The following INTU variants were observed in gnomAD, a reference collection of about 807,000 sequenced individuals.
INTU encodes the protein protein inturned.
Under a neutral mutation model 100.5 loss-of-function variants are expected in INTU, and 68 were observed. The ratio of observed to expected loss-of-function variants is 0.68; its 90% CI spans 0.56 to 0.83. The LOEUF (loss-of-function observed/expected upper bound fraction) is 0.83, where lower values mean the gene tolerates loss of function less well. INTU is among the 40% of genes least tolerant of loss of function. INTU has a pLI of 0.00. For missense variants in INTU, 1,071 were observed against 1,114.7 expected, an observed-to-expected ratio of 0.96 and a Z score of 0.56; for synonymous variants, 357 against 395.7, an observed-to-expected ratio of 0.90 and a Z score of 1.16.
rs1025213375 is a variant in INTU, at chr4:127,717,757, T to A, written c.*1321T>A. 4 of 152,238 alleles carry A rather than the reference T, an allele frequency of 2.6e-5. No individual in the cohort carries two copies. The highest frequency in any genetic ancestry group is 4.4e-5 in the Non-Finnish European group (3 of 68,038). The allele number at this position is 152,238 out of a possible 1,614,324, so 9.4% of individuals were successfully genotyped here. On this transcript the variant is annotated 3_prime_UTR_variant, in exon 16 of 16. Coordinates refer to ENST00000335251, the MANE Select transcript of INTU (RefSeq NM_015693.4). ...ACAATCAGTGATATTGAGCTTTTTT[T>A]TCATATGTTTGTTGGCTGCATGAAT...
chr4:127,695,984 A>C (rs1210776798), intron 8 of INTU, among the ~76,000 whole-genome samples: 1 of 152,110 alleles, frequency 6.6e-6, no homozygotes, highest in Non-Finnish European at 1.5e-5. Context: ...GATCTGATGG[A>C]TTACATTAAC....
At chr4:127,671,114 AGGTCTT>A (rs1335617898) in intron 5 of INTU, among the ~76,000 whole-genome samples, 1 of 152,006 alleles carries the variant, frequency 6.6e-6, no homozygotes, top group Non-Finnish European at 1.5e-5. Flanking sequence ...ATAGATAAGT[AGGTCTT>A]AATTAAACTG....
Position 127,716,462 on chromosome 4 carries a change from A to G in INTU, c.*26A>G, listed in dbSNP as rs1560623867. Reference sequence around the variant, plus strand: ...CTGTGCTTTCTTGATGCGTAGAAACACGTGCATGGAGGATCAAACACTGTC... The same window carrying G: ...CTGTGCTTTCTTGATGCGTAGAAACGCGTGCATGGAGGATCAAACACTGTC... On this transcript the variant is annotated 3_prime_UTR_variant, in exon 16 of 16. Coordinates refer to ENST00000335251, the MANE Select transcript of INTU (RefSeq NM_015693.4). 3.7e-6 allele frequency: 4 copies of G among 1,091,162 alleles called. No individual in the cohort carries two copies. Among genetic ancestry groups the G allele is most frequent in the Non-Finnish European group, 5.3e-6 (4 of 749,228 alleles). 67.6% of individuals were successfully genotyped at this position (1,091,162 alleles called of 1,614,324 possible).
chr4:127,684,632 TTCCTCC>T (rs1026515017), intron 7 of INTU, 146 bp downstream of exon 7: 2 of 528,864 alleles, frequency 3.8e-6, no homozygotes, highest in Non-Finnish European at 6.6e-6. Flanking sequence ...TTCCTTCCTC[TTCCTCC>T]TCCTCCTTCT....
chr4:127,681,189 A>T (rs1005462445), intron 6 of INTU, among the ~76,000 whole-genome samples: 10 of 152,238 alleles, frequency 6.6e-5, no homozygotes. Context: ...AAGGTAATTT[A>T]TAGATTCAAT....
At position 127,669,147 on chromosome 4, in the gene INTU, G is replaced by A; in HGVS notation, c.1084G>A (p.Val362Ile). Residue 362 changes from valine to isoleucine, a missense_variant, in exon 5 of 16, where the codon GTT becomes ATT. Coordinates refer to ENST00000335251, the MANE Select transcript of INTU (RefSeq NM_015693.4). ...GCTGGAAAACGTAACTGGGACACAA[G>A]TTACTAGGTAATAATTTTTATTTAG... ...DMLENVTGTQVTSSSLLLNGK... is the reference protein window; with the variant it reads ...DMLENVTGTQITSSSLLLNGK... The A allele has an allele frequency of 2.1e-6, 3 of 1,434,146 alleles. No homozygotes were observed. The highest frequency in any genetic ancestry group is 2.9e-6 in the Non-Finnish European group (3 of 1,042,496). 88.8% of individuals were successfully genotyped at this position (1,434,146 alleles called of 1,614,324 possible).
intron 9 of INTU, among the ~76,000 whole-genome samples, chr4:127,701,703 G>T (rs1730657795): frequency 1.3e-5 from 2 of 151,208 alleles, no homozygotes; most frequent in Non-Finnish European, 1.5e-5. Context: ...TTAAACCTGG[G>T]TGATGATGGC....
chr4:127,667,761 G>A (rs1728758893), intron 4 of INTU, among the ~76,000 whole-genome samples: 3 of 151,972 alleles, frequency 2.0e-5, no homozygotes, highest in African/African-American at 7.2e-5. Flanking sequence ...TTTTACACTA[G>A]AATTACTGCA....
In INTU at chr4:127,670,324, GA is replaced by G. The variant is rs142852034; in HGVS notation, c.1091+1173del. ...ACTTTTTTTCCCCCATATTCAGGTA[GA>G]AATGACATTTCTATGATTTTAAAAG... On this transcript the variant is annotated intron_variant, in intron 5 of 15. Transcript: ENST00000335251. Among the ~76,000 whole-genome samples, 1,364 of 151,870 alleles carry G rather than the reference GA, an allele frequency of 9.0e-3. 19 individuals are homozygous for G. The highest frequency in any genetic ancestry group is 0.032 in the African/African-American group (1,307 of 41,476).
intron 2 of INTU, among the ~76,000 whole-genome samples, chr4:127,650,373 C>G (rs28550232): frequency 8.4e-6 from 1 of 118,560 alleles, no homozygotes; most frequent in Admixed American, 9.5e-5. Flanking sequence ...TCCCTCCCCC[C>G]TCCCCCCACC....
intron 12 of INTU, 39 bp downstream of exon 12, chr4:127,707,008 GT>G: frequency 1.3e-6 from 2 of 1,569,636 alleles, no homozygotes; most frequent in Non-Finnish European, 1.7e-6. Flanking sequence ...TGGGAGCTAA[GT>G]TGTCTCTCCA....
intron 8 of INTU, among the ~76,000 whole-genome samples, chr4:127,697,239 T>C (rs1324692941): frequency 1.3e-5 from 2 of 152,160 alleles, no homozygotes; most frequent in Non-Finnish European, 2.9e-5. Context: ...TTTTAGAACA[T>C]TTCACCATCT....
rs917091883 is a variant in INTU at position 127,716,275 on chromosome 4, G to C, written c.2718-50G>C. 3.6e-6 allele frequency: 3 copies of C among 840,058 alleles called. No individual in the cohort carries two copies. The African/African-American group carries it at 5.2e-5, about 14-fold the overall frequency. The allele number at this position is 840,058 out of a possible 1,614,324, so 52.0% of individuals were successfully genotyped here. ...AATTAATTGGATGGTTAGAGTTTTT[G>C]TTGTTTGTTGTTTTAATTTCTGAAA... On this transcript the variant is annotated intron_variant, in intron 15 of 15. Transcript: ENST00000335251.
At chr4:127,658,911 C>T (rs1338842734) in intron 3 of INTU, among the ~76,000 whole-genome samples, 1 of 151,836 alleles carries the variant, frequency 6.6e-6, no homozygotes, top group African/African-American at 2.4e-5. Context: ...CAGTGGGAGC[C>T]CTGAGCTTGT....
chr4:127,646,184 C>CAA lies in INTU; in HGVS notation c.682+2144_682+2145dup, dbSNP rs71587329. 4.8e-3 allele frequency among the ~76,000 whole-genome samples: 611 copies of CAA among 127,440 alleles called. 4 individuals are homozygous for CAA. The highest frequency in any genetic ancestry group is 6.1e-3 in the African/African-American group (213 of 34,824). The allele number at this position is 127,440 out of a possible 152,430, so 83.6% of individuals were successfully genotyped here. On this transcript the variant is annotated intron_variant, in intron 2 of 15. Transcript: ENST00000335251. ...GGGGGAACACAGTGAGACTCTGTCT[C>CAA]AAAAAAAAAAAAAAAAATTGTTTGG...
In INTU at chr4:127,670,235, T is replaced by C. The variant is rs1728861829; in HGVS notation, c.1091+1081T>C. Reference sequence around the variant, plus strand: ...AATTTTAGACTTTACAAGGAAATTTTATCTCAAATTTCAACAGCCTCCGTA... The same window carrying C: ...AATTTTAGACTTTACAAGGAAATTTCATCTCAAATTTCAACAGCCTCCGTA... On this transcript the variant is annotated intron_variant, in intron 5 of 15. Coordinates refer to ENST00000335251, the MANE Select transcript of INTU (RefSeq NM_015693.4). Among the ~76,000 whole-genome samples, 3 of 151,888 alleles carry C rather than the reference T, an allele frequency of 2.0e-5. No homozygotes were observed. In the South Asian group the frequency reaches 6.2e-4, roughly 31 times the overall value.
Position 127,716,599 on chromosome 4 carries a change from T to C in INTU, c.*163T>C. The C allele has an allele frequency of 2.7e-6, 1 of 375,794 alleles. No homozygotes were observed. 23.3% of individuals were successfully genotyped at this position (375,794 alleles called of 1,614,324 possible). On this transcript the variant is annotated 3_prime_UTR_variant, in exon 16 of 16. Transcript: ENST00000335251. ...ATGAAATGCTGTTGGATTTGATACA[T>C]TAAATCTTAATGTAATATTGTAAGA...
chr4:127,654,375 C>G (rs1479560705), intron 2 of INTU, among the ~76,000 whole-genome samples: 11 of 152,268 alleles, frequency 7.2e-5, no homozygotes, highest in Admixed American at 2.0e-4. Flanking sequence ...TGTTCCTTTC[C>G]ATGTTTAGTG....
chr4:127,634,761 G>A (rs780787236), intron 1 of INTU, among the ~76,000 whole-genome samples: 2 of 152,138 alleles, frequency 1.3e-5, no homozygotes, highest in African/African-American at 2.4e-5. Flanking sequence ...GTCCTACCAA[G>A]TTTCAAATTT....
Sources: allele counts gnomAD v4.1 joint callset (sites outside exome capture counted in the v4.1 genomes callset), GRCh38; gene constraint gnomAD v4.1.1; transcripts MANE v1.5; gene names NCBI Gene and HGNC (gene_info 2026-07-23, HGNC 2026-07-21).